ZNF385D: variants seen among roughly 807,000 people sequenced by gnomAD.
ZNF385D encodes zinc finger protein 659.
Under a neutral mutation model 35.8 loss-of-function variants are expected in ZNF385D, and 15 were observed. The ratio of observed to expected loss-of-function variants is 0.42; its 90% CI spans 0.28 to 0.64. The LOEUF is 0.64. Among genes scored for constraint, ZNF385D ranks in the 30% least tolerant of loss-of-function variants. ZNF385D has a pLI of 0.23. For missense variants in ZNF385D, 474 were observed against 494.6 expected, an observed-to-expected ratio of 0.96 and a Z score of 0.39; for synonymous variants, 212 against 186.8, an observed-to-expected ratio of 1.13 and a Z score of -1.10.
At chr3:21,497,565 C>T (rs990543513) in intron 4 of ZNF385D, among the ~76,000 whole-genome samples, 33 of 152,070 alleles carry the variant, frequency 2.2e-4, no homozygotes, top group Non-Finnish European at 4.4e-5. Flanking sequence ...ATTCATATGG[C>T]CAGGTGCGAT....
At chr3:22,237,026 G>A (rs531704961) in intron 2 of ZNF385D, among the ~76,000 whole-genome samples, 205 of 152,166 alleles carry the variant, frequency 1.3e-3, no homozygotes, top group African/African-American at 4.8e-3. Flanking sequence ...TATGTTTTCA[G>A]TTGTCTTAGG....
At chr3:21,944,735 G>A (rs1391103606) in intron 3 of ZNF385D, among the ~76,000 whole-genome samples, 1 of 142,382 alleles carries the variant, frequency 7.0e-6, no homozygotes, top group African/African-American at 2.7e-5. Flanking sequence ...TATGGGATGA[G>A]AGAGGAGAAA....
chr3:21,884,229 C>T (rs979760014), intron 3 of ZNF385D, among the ~76,000 whole-genome samples: 2 of 151,948 alleles, frequency 1.3e-5, no homozygotes, highest in Admixed American at 1.3e-4. Context: ...TGAGAAATTC[C>T]TTTTCAACCC....
chr3:21,676,032 A>T (rs1001007717), intron 1 of ZNF385D, among the ~76,000 whole-genome samples: 10 of 152,104 alleles, frequency 6.6e-5, no homozygotes, highest in African/African-American at 2.4e-4. Flanking sequence ...ATGTTATTTC[A>T]TAAAGACCAT....
chr3:21,802,968 C>T (rs764266584), intron 3 of ZNF385D, among the ~76,000 whole-genome samples: 5 of 152,176 alleles, frequency 3.3e-5, no homozygotes, highest in East Asian at 1.9e-4. Context: ...AAGAGAAGAA[C>T]GAGTGGAAAT....
intron 3 of ZNF385D, among the ~76,000 whole-genome samples, chr3:21,973,469 A>G (rs1703395504): frequency 6.6e-6 from 1 of 152,166 alleles, no homozygotes. Flanking sequence ...ATCATATTGA[A>G]CAGGGAAAAA....
chr3:21,856,384 T>A (rs1696713844), intron 3 of ZNF385D, among the ~76,000 whole-genome samples: 1 of 152,010 alleles, frequency 6.6e-6, no homozygotes. Flanking sequence ...CCTAATATTT[T>A]CTCGTCTTTC....
intron 1 of ZNF385D, among the ~76,000 whole-genome samples, chr3:21,694,294 C>T (rs1330024274): frequency 6.6e-6 from 1 of 151,964 alleles, no homozygotes; most frequent in African/African-American, 2.4e-5. Flanking sequence ...CTTGGCCTCC[C>T]AAAGTGCTGG....
At chr3:21,875,629 A>C (rs1263850365) in intron 3 of ZNF385D, among the ~76,000 whole-genome samples, 1 of 152,038 alleles carries the variant, frequency 6.6e-6, no homozygotes, top group Non-Finnish European at 1.5e-5. Context: ...TTTGAGTCTC[A>C]TCTTTCCTTT....
At chr3:22,321,465 A>G (rs1180014492) in intron 2 of ZNF385D, among the ~76,000 whole-genome samples, 2 of 151,992 alleles carry the variant, frequency 1.3e-5, no homozygotes, top group East Asian at 3.9e-4. Context: ...TCCTGGGTTC[A>G]AGCGATTCTC....
intron 3 of ZNF385D, among the ~76,000 whole-genome samples, chr3:21,849,093 T>C (rs1031571893): frequency 6.6e-6 from 1 of 152,102 alleles, no homozygotes; most frequent in Non-Finnish European, 1.5e-5. Flanking sequence ...ATATCTGTTG[T>C]TGCCTATAAT....
At chr3:21,951,710 G>C (rs1359455245) in intron 3 of ZNF385D, among the ~76,000 whole-genome samples, 1 of 151,432 alleles carries the variant, frequency 6.6e-6, no homozygotes, top group Admixed American at 6.6e-5. Flanking sequence ...TCTTTATTCA[G>C]GCCCTACTTT....
rs577144128 is a variant in ZNF385D at position 21,909,179 on chromosome 3, C to T, written c.326-244151G>A. On this transcript the variant is annotated intron_variant, in intron 3 of 5. Coordinates refer to the ZNF385D transcript ENST00000494108. ...GGTTGTGTCCTGTGAGACATAAGTT[C>T]GTCCAAATATAATACGGATATAATA... Among the ~76,000 whole-genome samples, 4 of 152,016 alleles carry T rather than the reference C, an allele frequency of 2.6e-5. No homozygotes were observed. The South Asian group carries it at 8.3e-4, about 32-fold the overall frequency.
chr3:21,779,928 T>C (rs1307079061), intron 3 of ZNF385D, among the ~76,000 whole-genome samples: 1 of 151,964 alleles, frequency 6.6e-6, no homozygotes, highest in East Asian at 1.9e-4. Context: ...AAAAAATCAA[T>C]TCAGAAGAAA....
At chr3:22,046,197 C>T (rs1021537384) in intron 3 of ZNF385D, among the ~76,000 whole-genome samples, 7 of 152,208 alleles carry the variant, frequency 4.6e-5, no homozygotes, top group South Asian at 2.1e-4. Context: ...GGAAAATATT[C>T]ATACGGGGTT....
At chr3:21,827,564 G>C (rs1392127930) in intron 3 of ZNF385D, among the ~76,000 whole-genome samples, 1 of 152,112 alleles carries the variant, frequency 6.6e-6, no homozygotes, top group Admixed American at 6.5e-5. Flanking sequence ...AAAATCACTT[G>C]TTGAACTAAA....
In ZNF385D at chr3:22,305,262, A is replaced by G. The variant is rs77957703; in HGVS notation, c.106+67188T>C. ...ATCTCCTTAACATTTATCTGCTACTAGAGTAGTATGCTACTTTTTTGTTGT... is the reference window on the plus strand; with the variant it reads ...ATCTCCTTAACATTTATCTGCTACTGGAGTAGTATGCTACTTTTTTGTTGT... On this transcript the variant is annotated intron_variant, in intron 2 of 5. Coordinates refer to the ZNF385D transcript ENST00000494108. Among the ~76,000 whole-genome samples, 58 of 152,304 alleles carry G rather than the reference A, an allele frequency of 3.8e-4. 1 individual carries two copies. In the East Asian group the frequency reaches 9.8e-3, roughly 26 times the overall value.
At chr3:22,147,275 T>C (rs1038918995) in intron 3 of ZNF385D, among the ~76,000 whole-genome samples, 1 of 152,172 alleles carries the variant, frequency 6.6e-6, no homozygotes, top group African/African-American at 2.4e-5. Context: ...TAACCATGTC[T>C]CTCCTACTTT....
At chr3:21,821,000 A>G (rs2073371164) in intron 3 of ZNF385D, among the ~76,000 whole-genome samples, 1 of 152,062 alleles carries the variant, frequency 6.6e-6, no homozygotes, top group East Asian at 1.9e-4. Context: ...AAAACCCTCA[A>G]TAATCCTGCA....
Sources: allele counts gnomAD v4.1 joint callset (sites outside exome capture counted in the v4.1 genomes callset), GRCh38; gene constraint gnomAD v4.1.1; transcripts MANE v1.5; gene names NCBI Gene and HGNC (gene_info 2026-07-23, HGNC 2026-07-21).